FER1L5: variants seen among roughly 807,000 people sequenced by gnomAD.
FER1L5 encodes fer-1 like family member 5.
In FER1L5, 187 loss-of-function variants were observed where a neutral mutation model predicts 279.9. The ratio of observed to expected loss-of-function variants is 0.67; its 90% CI spans 0.59 to 0.75. The LOEUF (loss-of-function observed/expected upper bound fraction) is 0.75, where lower values mean the gene tolerates loss of function less well. Among genes scored for constraint, FER1L5 ranks in the 30% least tolerant of loss-of-function variants. The pLI is 0.00. For synonymous variants in FER1L5, 921 were observed against 989.7 expected, an observed-to-expected ratio of 0.93 and a Z score of 1.30; for missense variants, 2,091 against 2,594.4, an observed-to-expected ratio of 0.81 and a Z score of 4.21.
Position 96,699,010 on chromosome 2 carries a change from G to T in FER1L5, c.4519-35G>T, listed in dbSNP as rs193291527. 2.5e-6 allele frequency: 4 copies of T among 1,582,942 alleles called. No homozygotes were observed. In the African/African-American group the frequency reaches 4.0e-5, roughly 16 times the overall value. On this transcript the variant is annotated intron_variant, in intron 41 of 52. Coordinates refer to ENST00000624922, the MANE Select transcript of FER1L5 (RefSeq NM_001293083.2). ...CTGACAAACCTGGACGGCCTCCCCA[G>T]TTCCTATCCTTCCCCCACTTGTATC...
intron 13 of FER1L5, 146 bp from the exon 14 acceptor site, chr2:96,663,293 G>T: frequency 1.4e-6 from 1 of 704,022 alleles, no homozygotes; most frequent in Non-Finnish European, 2.6e-6. Context: ...CTGAGAAGTT[G>T]TGCAGGTGTC....
chr2:96,700,933 C>T (rs1187825236), intron 45 of FER1L5, among the ~76,000 whole-genome samples: 1 of 152,238 alleles, frequency 6.6e-6, no homozygotes, highest in Non-Finnish European at 1.5e-5. Flanking sequence ...CTGCAGCCAC[C>T]ATAATGGCTC....
At chr2:96,693,005 G>A (rs1295870575) in intron 31 of FER1L5, among the ~76,000 whole-genome samples, 2 of 151,916 alleles carry the variant, frequency 1.3e-5, no homozygotes, top group Non-Finnish European at 2.9e-5. Context: ...GTGAAACCCC[G>A]TCTCTACTAA....
Position 96,699,683 on chromosome 2 carries a change from T to C in FER1L5, c.4744T>C (p.Phe1582Leu). 1 of 1,614,044 alleles carries C rather than the reference T, an allele frequency of 6.2e-7. No individual in the cohort carries two copies. Among genetic ancestry groups the C allele is most frequent in the East Asian group, 2.2e-5 (1 of 44,886 alleles). The stretch of plus-strand genomic sequence containing the variant: ...CCTTGAAAACCGACTCCTATCTGGC[T>C]TTGGAGCTCATTGTGGGCTCTCCAA... ...IDLENRLLSGFGAHCGLSKSY... is the reference protein window; with the variant it reads ...IDLENRLLSGLGAHCGLSKSY... The change falls in exon 43 of 53, where the codon TTT (phenylalanine) becomes CTT (leucine). Residue 1582 changes from phenylalanine (F) to leucine (L), a missense_variant. Physicochemically the swap from Phe to Leu is conservative, Grantham distance 22. Transcript: ENST00000624922.
intron 42 of FER1L5, 68 bp from the exon 43 acceptor site, chr2:96,699,482 A>G (rs926693911): frequency 6.5e-7 from 1 of 1,530,972 alleles, no homozygotes; most frequent in African/African-American, 1.4e-5. Flanking sequence ...GGGCCGAGAC[A>G]CCGGTGAGGG....
rs1364053079 is a variant in FER1L5, at chr2:96,659,402, T to G, written c.748-939T>G. On this transcript the variant is annotated intron_variant, in intron 9 of 52. Coordinates refer to ENST00000624922, the MANE Select transcript of FER1L5 (RefSeq NM_001293083.2). ...CTTTCTTTCTTTCTTTCTTTCTTTC[T>G]TTCTTTCTTTCTTTCTTTCTTTCTT... is the stretch of plus-strand genomic sequence containing the variant. Among the ~76,000 whole-genome samples, 5 of 8,388 alleles carry G rather than the reference T, an allele frequency of 6.0e-4. No homozygotes were observed. In the East Asian group the frequency reaches 0.025, roughly 41 times the overall value. The allele number at this position is 8,388 out of a possible 152,430, so 5.5% of individuals were successfully genotyped here. A position where few individuals can be genotyped will look rare whatever the true frequency, so the allele number is the denominator to read the frequency against.
At chr2:96,661,572 C>G in intron 11 of FER1L5, 96 bp from the exon 12 acceptor site, 1 of 1,530,912 alleles carries the variant, frequency 6.5e-7, no homozygotes, top group South Asian at 1.2e-5. Flanking sequence ...GTCCCATCCC[C>G]CCTGCACCAA....
chr2:96,699,773 C>T, intron 43 of FER1L5, 53 bp downstream of exon 43: 23 of 1,601,794 alleles, frequency 1.4e-5, no homozygotes, highest in Non-Finnish European at 2.0e-5. Context: ...GAAGAGTGAG[C>T]CTACAGCTCC....
At chr2:96,660,283 T>C in intron 9 of FER1L5, 58 bp from the exon 10 acceptor site, 4 of 1,543,714 alleles carry the variant, frequency 2.6e-6, no homozygotes, top group Non-Finnish European at 1.8e-6. Flanking sequence ...GGTTAGTTGG[T>C]ATTACAAATC....
Position 96,659,695 on chromosome 2 carries a change from G to A in FER1L5, c.748-646G>A, listed in dbSNP as rs1038262954. On this transcript the variant is annotated intron_variant, in intron 9 of 52. Transcript: ENST00000624922. ...TTTAGTAGAGACAAGGTTTCACTGC[G>A]TTAGCCAGGATGGTCTCGATCTCCT... is the stretch of plus-strand genomic sequence containing the variant. 9.3e-5 allele frequency among the ~76,000 whole-genome samples: 14 copies of A among 151,114 alleles called. No individual in the cohort carries two copies. In the East Asian group the frequency reaches 1.2e-3, roughly 13 times the overall value.
Position 96,661,315 on chromosome 2 carries a change from G to C in FER1L5, c.779-10G>C, listed in dbSNP as rs1315615852. 1 of 1,517,972 alleles carries C rather than the reference G, an allele frequency of 6.6e-7. No individual in the cohort carries two copies. The highest frequency in any genetic ancestry group is 2.3e-5 in the Admixed American group (1 of 43,326). 94.0% of individuals were successfully genotyped at this position (1,517,972 alleles called of 1,614,324 possible). On this transcript the variant is annotated splice_polypyrimidine_tract_variant and intron_variant, in intron 10 of 52. Transcript: ENST00000624922. Reference sequence around the variant, plus strand: ...CAGGCAGATCTCCCATGGCCTTTCTGCCTCTCTAGGTCACACACTCCTAAG... The same window carrying C: ...CAGGCAGATCTCCCATGGCCTTTCTCCCTCTCTAGGTCACACACTCCTAAG...
At chr2:96,671,168 G>A (rs957015416) in intron 18 of FER1L5, among the ~76,000 whole-genome samples, 20 of 145,886 alleles carry the variant, frequency 1.4e-4, no homozygotes, top group Admixed American at 5.6e-4. Flanking sequence ...GTGTTAATTC[G>A]TGACCTAGTT....
At chr2:96,682,764 G>A (rs1054495603) in intron 19 of FER1L5, among the ~76,000 whole-genome samples, 1 of 152,176 alleles carries the variant, frequency 6.6e-6, no homozygotes, top group Non-Finnish European at 1.5e-5. Context: ...GCAATGCAGT[G>A]GCATGATCAT....
intron 17 of FER1L5, 130 bp from the exon 18 acceptor site, chr2:96,669,989 A>C: frequency 8.1e-7 from 1 of 1,235,636 alleles, no homozygotes. Flanking sequence ...CTTCTCCGGG[A>C]TTGTGGTTGC....
chr2:96,657,735 C>T (rs1032319165), intron 9 of FER1L5, among the ~76,000 whole-genome samples: 2 of 152,180 alleles, frequency 1.3e-5, no homozygotes, highest in African/African-American at 4.8e-5. Flanking sequence ...CTTTCTTTCC[C>T]TCAGCATTGC....
At chr2:96,675,415 T>A (rs145106912) in intron 19 of FER1L5, among the ~76,000 whole-genome samples, 94 of 152,218 alleles carry the variant, frequency 6.2e-4, no homozygotes, top group African/African-American at 1.7e-3. Context: ...CAGCCTTTTT[T>A]AAAAAAATAA....
chr2:96,688,114 T>C (rs1001605384), intron 24 of FER1L5, among the ~76,000 whole-genome samples, 167 bp downstream of exon 24: 2 of 152,232 alleles, frequency 1.3e-5, no homozygotes, highest in South Asian at 4.1e-4. Flanking sequence ...TGACCGAAAC[T>C]GAGGGCTAGG....
Position 96,700,466 on chromosome 2 carries a change from G to A in FER1L5, c.5065G>A (p.Asp1689Asn), listed in dbSNP as rs780001931. ...GTACAGCCACAGCCAGCCAGGCATC[G>A]ACCAGGTATGAGACTGGAGGGGCCA... is the stretch of plus-strand genomic sequence containing the variant. ...TLYSHSQPGI[D>N]QGKVQMWVDI... is the part of the protein sequence containing the mutation. Residue 1689 changes from aspartate to asparagine, a missense_variant, in exon 45 of 53, where the codon GAC becomes AAC. Asp to Asn is a conservative substitution (Grantham distance 23). Transcript: ENST00000624922. The A allele has an allele frequency of 3.7e-6, 6 of 1,613,160 alleles. No individual in the cohort carries two copies. The highest frequency in any genetic ancestry group is 2.2e-5 in the South Asian group (2 of 91,068).
At chr2:96,671,112 A>AAAAAAAAAAAAAAAAAC (rs2076312010) in intron 18 of FER1L5, among the ~76,000 whole-genome samples, 1 of 148,788 alleles carries the variant, frequency 6.7e-6, no homozygotes, top group South Asian at 2.1e-4. Context: ...ATCTCAAAAA[A>AAAAAAAAAAAAAAAAAC]AAAAAAAAAA....
Sources: gnomAD v4.1 joint callset for allele counts (sites outside exome capture counted in the v4.1 genomes callset) on GRCh38, gnomAD v4.1.1 for gene constraint, MANE v1.5 for transcripts, NCBI Gene and HGNC (gene_info 2026-07-23, HGNC 2026-07-21) for gene names.